The following RPRD1A variants were observed in gnomAD, a reference collection of about 807,000 sequenced individuals.
RPRD1A encodes regulation of nuclear pre-mRNA domain-containing protein 1A.
A neutral mutation model predicts 37.8 loss-of-function variants in RPRD1A; 9 were observed. The observed-to-expected ratio is 0.24, with a 90% CI of 0.14 to 0.42. RPRD1A has a LOEUF of 0.42. RPRD1A is among the 10% of genes least tolerant of loss of function. The pLI, the probability that RPRD1A is intolerant of heterozygous loss-of-function variation, is 1.00. For missense variants in RPRD1A, 255 were observed against 371.0 expected, an observed-to-expected ratio of 0.69 and a Z score of 2.57; for synonymous variants, 138 against 139.7, an observed-to-expected ratio of 0.99 and a Z score of 0.08.
At chr18:36,061,046 C>CTAT (rs2088898850) in intron 1 of RPRD1A, among the ~76,000 whole-genome samples, 2 of 152,086 alleles carry the variant, frequency 1.3e-5, no homozygotes, top group African/African-American at 4.8e-5. Flanking sequence ...GCATCCAAAG[C>CTAT]TATGTATCAC....
intron 6 of RPRD1A, among the ~76,000 whole-genome samples, chr18:36,018,034 T>C (rs911010385): frequency 6.6e-6 from 1 of 152,226 alleles, no homozygotes; most frequent in East Asian, 1.9e-4. Flanking sequence ...GATAATTTAC[T>C]CCTTTGTTCA....
chr18:35,990,530 G>C lies in RPRD1A; in HGVS notation c.*2621C>G, dbSNP rs1908657854. 1 of 152,296 alleles carries C rather than the reference G, an allele frequency of 6.6e-6. No homozygotes were observed. Among genetic ancestry groups the C allele is most frequent in the South Asian group, 2.1e-4 (1 of 4,834 alleles). The allele number at this position is 152,296 out of a possible 1,614,324, so 9.4% of individuals were successfully genotyped here. A position where few individuals can be genotyped will look rare whatever the true frequency, so the allele number is the denominator to read the frequency against. ...CTCTATGGTCCTTTTACTTACTGTA[G>C]TGATGGAAGGAGAGAAGGAGCGCCC... On this transcript the variant is annotated 3_prime_UTR_variant, in exon 7 of 7. Coordinates refer to ENST00000399022, the MANE Select transcript of RPRD1A (RefSeq NM_018170.5).
chr18:36,031,784 C>T lies in RPRD1A; in HGVS notation c.282-687G>A, dbSNP rs573589118. Reference sequence around the variant, plus strand: ...TTTACTCTATTCTGTACAAAGCATCCTAATAATGTAAATCAGATTATACAG... The same window carrying T: ...TTTACTCTATTCTGTACAAAGCATCTTAATAATGTAAATCAGATTATACAG... On this transcript the variant is annotated intron_variant, in intron 2 of 6. Coordinates refer to ENST00000399022, the MANE Select transcript of RPRD1A (RefSeq NM_018170.5). Among the ~76,000 whole-genome samples, 4 of 152,286 alleles carry T rather than the reference C, an allele frequency of 2.6e-5. No individual in the cohort carries two copies. The South Asian group carries it at 8.3e-4, about 32-fold the overall frequency.
At chr18:36,020,097 C>G (rs1288517389) in intron 6 of RPRD1A, among the ~76,000 whole-genome samples, 2 of 152,150 alleles carry the variant, frequency 1.3e-5, no homozygotes, top group Admixed American at 1.3e-4. Flanking sequence ...AAGATGAGGA[C>G]AGCTGCAACA....
In RPRD1A at chr18:36,067,383, C is replaced by T. The variant is rs1432641941; in HGVS notation, c.22G>A (p.Ala8Thr). 6.2e-7 allele frequency: 1 copy of T among 1,607,678 alleles called. No individual in the cohort carries two copies. The highest frequency in any genetic ancestry group is 1.7e-5 in the Admixed American group (1 of 59,080). Residue 8 changes from alanine (A) to threonine (T), a missense_variant, in exon 1 of 7, where the codon GCG (alanine) becomes ACG (threonine). Coordinates refer to ENST00000399022, the MANE Select transcript of RPRD1A (RefSeq NM_018170.5). ...AACTCCGACAGCTTCTTCTCCAGCG[C>T]CGCCTCAGAGAAGGCTGACATCCCT... MSAFSEA[A>T]LEKKLSELSN...
At chr18:36,037,321 A>T (rs563467958) in intron 1 of RPRD1A, among the ~76,000 whole-genome samples, 2 of 152,134 alleles carry the variant, frequency 1.3e-5, no homozygotes, top group African/African-American at 4.8e-5. Flanking sequence ...TCATGTTAGT[A>T]AGTGAGTTCT....
Position 36,030,796 on chromosome 18 carries a change from T to G in RPRD1A, c.486+12A>C, listed in dbSNP as rs144900995. On this transcript the variant is annotated intron_variant, in intron 4 of 6. Coordinates refer to ENST00000399022, the MANE Select transcript of RPRD1A (RefSeq NM_018170.5). ...AAAGTTTGTAACTCTTTTAACAGGG[T>G]AAAATTTCTACCTGTGGTGGTTCAC... The G allele has an allele frequency of 9.3e-5, 145 of 1,552,072 alleles. No individual in the cohort carries two copies. The highest frequency in any genetic ancestry group is 1.2e-4 in the Non-Finnish European group (131 of 1,130,354).
chr18:36,018,873 G>C (rs1735506491), intron 6 of RPRD1A, among the ~76,000 whole-genome samples: 1 of 152,148 alleles, frequency 6.6e-6, no homozygotes, highest in African/African-American at 2.4e-5. Flanking sequence ...ACTCTCTGAA[G>C]ACTTGACATA....
intron 6 of RPRD1A, among the ~76,000 whole-genome samples, chr18:36,009,288 G>A (rs1910019959): frequency 6.6e-6 from 1 of 152,120 alleles, no homozygotes; most frequent in Non-Finnish European, 1.5e-5. Context: ...TCATCAGCCT[G>A]GAGAAGATAC....
intron 2 of RPRD1A, among the ~76,000 whole-genome samples, chr18:36,032,135 C>T (rs1340613777): frequency 1.3e-5 from 2 of 152,210 alleles, no homozygotes; most frequent in Non-Finnish European, 2.9e-5. Flanking sequence ...CGCCCTCATA[C>T]TATCTAGTTC....
chr18:36,000,384 G>T (rs1909341550), intron 6 of RPRD1A, among the ~76,000 whole-genome samples: 1 of 152,118 alleles, frequency 6.6e-6, no homozygotes, highest in Non-Finnish European at 1.5e-5. Flanking sequence ...TTTAATGTAA[G>T]TAAGTATCAT....
chr18:36,062,335 A>C (rs2088930971), intron 1 of RPRD1A, among the ~76,000 whole-genome samples: 3 of 150,122 alleles, frequency 2.0e-5, no homozygotes, highest in East Asian at 1.9e-4. Flanking sequence ...AAAAAAAAAA[A>C]AAAAAAAAAA....
chr18:36,025,816 G>T, intron 6 of RPRD1A: 1 of 297,970 alleles, frequency 3.4e-6, no homozygotes, highest in Non-Finnish European at 6.3e-6. Context: ...TTCATCACAA[G>T]GTGAAATAGT....
intron 6 of RPRD1A, among the ~76,000 whole-genome samples, chr18:36,016,565 T>C (rs1443782051): frequency 2.6e-5 from 4 of 152,154 alleles, no homozygotes; most frequent in Non-Finnish European, 5.9e-5. Flanking sequence ...GAAAACCATA[T>C]CTCCTTTTGC....
chr18:36,018,627 A>G (rs1262418966), intron 6 of RPRD1A, among the ~76,000 whole-genome samples: 1 of 152,152 alleles, frequency 6.6e-6, no homozygotes, highest in East Asian at 1.9e-4. Context: ...CTGAGTGCCT[A>G]CCAGGAGACA....
chr18:36,026,343 G>T (rs1911365610), intron 6 of RPRD1A: 1 of 152,246 alleles, frequency 6.6e-6, no homozygotes, highest in Non-Finnish European at 1.5e-5. Context: ...GGAAATACGA[G>T]CATTTTTTAA....
At position 35,993,058 on chromosome 18, in the gene RPRD1A, C is replaced by A. The variant is rs1477695140; in HGVS notation, c.*93G>T. 4.6e-6 allele frequency: 5 copies of A among 1,087,198 alleles called. No homozygotes were observed. In the East Asian group the frequency reaches 1.4e-4, roughly 30 times the overall value. The allele number at this position is 1,087,198 out of a possible 1,614,324, so 67.3% of individuals were successfully genotyped here. ...TTGTTCCTTTTGTTAGTGTTTCTTT[C>A]TCAACAATATACAAAAATAACACTA... On this transcript the variant is annotated 3_prime_UTR_variant, in exon 7 of 7. Transcript: ENST00000399022.
At chr18:36,033,935 C>A in intron 1 of RPRD1A, 98 bp from the exon 2 acceptor site, 1 of 956,784 alleles carries the variant, frequency 1.0e-6, no homozygotes, top group Non-Finnish European at 1.5e-6. Flanking sequence ...CTAAAATAAC[C>A]CTACTAACCT....
chr18:36,003,226 G>A (rs1264455165), intron 6 of RPRD1A, among the ~76,000 whole-genome samples: 3 of 152,104 alleles, frequency 2.0e-5, no homozygotes, highest in East Asian at 3.9e-4. Flanking sequence ...CAGAAATCCC[G>A]CTGTGGTTTA....
Sources: allele counts gnomAD v4.1 joint callset (sites outside exome capture counted in the v4.1 genomes callset), GRCh38; gene constraint gnomAD v4.1.1; transcripts MANE v1.5; gene names NCBI Gene and HGNC (gene_info 2026-07-23, HGNC 2026-07-21).